Variants in TOR1AIP1 observed in about 807,000 individuals in gnomAD.
TOR1AIP1 encodes torsin 1A interacting protein 1.
TOR1AIP1 carries 54 observed loss-of-function variants against 63.3 expected under a neutral mutation model. The observed-to-expected ratio is 0.85, with a 90% CI of 0.69 to 1.07. The LOEUF is 1.07. Among genes scored for constraint, TOR1AIP1 ranks in the 50% least tolerant of loss-of-function variants. The probability of loss-of-function intolerance (pLI) is 0.00; values close to 1 mark genes in which losing one functional copy is unlikely to be tolerated. For missense variants in TOR1AIP1, 736 were observed against 715.0 expected (o/e 1.03, Z -0.33); for synonymous variants, 294 against 273.5 (o/e 1.07, Z -0.74).
In TOR1AIP1 at chr1:179,882,593, C is replaced by T. The variant is rs772204342; in HGVS notation, c.91C>T (p.Arg31Trp). 2 of 1,524,364 alleles carry T rather than the reference C, an allele frequency of 1.3e-6. No homozygotes were observed. The highest frequency in any genetic ancestry group is 1.8e-6 in the Non-Finnish European group (2 of 1,138,792). 94.4% of individuals were successfully genotyped at this position (1,524,364 alleles called of 1,614,324 possible). A position where few individuals can be genotyped will look rare whatever the true frequency, so the allele number is the denominator to read the frequency against. Reference protein sequence around the residue: ...PRAPIREGRGRLAPQNGGSSD... With the variant: ...PRAPIREGRGWLAPQNGGSSD... ...GGCCCCCATCCGAGAGGGAAGGGGCCGGCTCGCCCCTCAAAATGGCGGCAG... is the reference window on the plus strand; with the variant it reads ...GGCCCCCATCCGAGAGGGAAGGGGCTGGCTCGCCCCTCAAAATGGCGGCAG... Residue 31 changes from arginine (R) to tryptophan (W), a missense_variant, in exon 1 of 10, where the codon CGG becomes TGG. Arg to Trp is a moderately radical substitution (Grantham distance 101). Coordinates refer to ENST00000606911, the MANE Select transcript of TOR1AIP1 (RefSeq NM_015602.4).
In TOR1AIP1 at chr1:179,914,838, T is replaced by G. The variant is rs566836293; in HGVS notation, c.964+784T>G. ...ATAGATTAATGATGATTCTGAAATTTTTTGTTCTTGGTACCGCTTTACACT... is the reference window on the plus strand; with the variant it reads ...ATAGATTAATGATGATTCTGAAATTGTTTGTTCTTGGTACCGCTTTACACT... On this transcript the variant is annotated intron_variant, in intron 9 of 9. Transcript: ENST00000606911. 4.6e-5 allele frequency among the ~76,000 whole-genome samples: 7 copies of G among 152,276 alleles called. No individual in the cohort carries two copies. In the South Asian group the frequency reaches 1.4e-3, roughly 32 times the overall value.
chr1:179,908,410 C>T (rs1487315324), intron 7 of TOR1AIP1, among the ~76,000 whole-genome samples, 195 bp from the exon 8 acceptor site: 2 of 152,160 alleles, frequency 1.3e-5, no homozygotes, highest in Admixed American at 1.3e-4. Context: ...TTGCTACCTG[C>T]TTTGCTGTAG....
intron 2 of TOR1AIP1, among the ~76,000 whole-genome samples, chr1:179,888,400 A>G (rs1647969173): frequency 6.6e-6 from 1 of 152,148 alleles, no homozygotes; most frequent in African/African-American, 2.4e-5. Context: ...TCGCCTCCCA[A>G]ATAGCTGGGA....
chr1:179,910,565 A>G (rs533306959), intron 8 of TOR1AIP1, among the ~76,000 whole-genome samples: 1 of 152,230 alleles, frequency 6.6e-6, no homozygotes, highest in Non-Finnish European at 1.5e-5. Flanking sequence ...CTGCTATTAG[A>G]AAACCATTTC....
At chr1:179,910,183 G>A (rs1292844436) in intron 8 of TOR1AIP1, among the ~76,000 whole-genome samples, 4 of 152,144 alleles carry the variant, frequency 2.6e-5, no homozygotes, top group African/African-American at 7.2e-5. Context: ...ATGCGTCCAC[G>A]TTAAATCTCG....
At chr1:179,900,195 A>G (rs781584462) in intron 4 of TOR1AIP1, 28 bp downstream of exon 4, 18 of 1,463,832 alleles carry the variant, frequency 1.2e-5, no homozygotes, top group Non-Finnish European at 1.7e-5. Context: ...ATCATATAAT[A>G]TATACTTTAA....
chr1:179,917,359 GT>G, intron 9 of TOR1AIP1, 92 bp from the exon 10 acceptor site: 1 of 1,071,632 alleles, frequency 9.3e-7, no homozygotes. Flanking sequence ...TTTACCTAAT[GT>G]TTATAAAGAC....
At chr1:179,915,917 A>G (rs966815175) in intron 9 of TOR1AIP1, among the ~76,000 whole-genome samples, 12 of 152,234 alleles carry the variant, frequency 7.9e-5, no homozygotes, top group Admixed American at 7.8e-4. Context: ...AGTAAAAAAT[A>G]GTATTCCATG....
chr1:179,883,447 G>C (rs576555548), intron 1 of TOR1AIP1, among the ~76,000 whole-genome samples: 1 of 152,324 alleles, frequency 6.6e-6, no homozygotes, highest in South Asian at 2.1e-4. Context: ...ACCCAGGTGG[G>C]CAGAGAGGAA....
chr1:179,909,465 C>T (rs1451460307), intron 8 of TOR1AIP1, among the ~76,000 whole-genome samples: 7 of 151,516 alleles, frequency 4.6e-5, no homozygotes, highest in African/African-American at 1.7e-4. Context: ...GGCTGGAGTA[C>T]AGTGGTGCAA....
rs543222466 is a variant in TOR1AIP1 at position 179,910,337 on chromosome 1, T to C, written c.907+1664T>C. ...AGGTAATGTAAAAATCCACATCTTA[T>C]ATCTCTTGCTCATGGGATGATTAAC... On this transcript the variant is annotated intron_variant, in intron 8 of 9. Transcript: ENST00000606911. Among the ~76,000 whole-genome samples the C allele has an allele frequency of 9.8e-4, 149 of 152,316 alleles. 1 individual carries two copies. Among genetic ancestry groups the C allele is most frequent in the African/African-American group, 3.0e-3 (126 of 41,568 alleles).
At chr1:179,906,213 T>C (rs1172081802) in intron 6 of TOR1AIP1, among the ~76,000 whole-genome samples, 1 of 152,192 alleles carries the variant, frequency 6.6e-6, no homozygotes, top group Non-Finnish European at 1.5e-5. Context: ...TAAAAGTATA[T>C]TTTTAGTATA....
chr1:179,916,125 A>C (rs1168098042), intron 9 of TOR1AIP1, among the ~76,000 whole-genome samples: 5 of 152,216 alleles, frequency 3.3e-5, no homozygotes, highest in Non-Finnish European at 7.3e-5. Context: ...TCTTAAGTAA[A>C]AGAATGTCCC....
Position 179,882,883 on chromosome 1 carries a change from T to C in TOR1AIP1, c.381T>C (p.Thr127=), listed in dbSNP as rs1647772838. The C allele has an allele frequency of 1.2e-6, 2 of 1,613,996 alleles. No individual in the cohort carries two copies. Among genetic ancestry groups the C allele is most frequent in the African/African-American group, 2.7e-5 (2 of 74,916 alleles). ...QETEEMKTRR[T]TRLQQQHSEQ... is the part of the protein sequence containing the mutation. ...CCGAGGAAATGAAGACGCGAAGGAC[T>C]ACCCGCCTTCAGCAGCAGCACTCAG... is the stretch of plus-strand genomic sequence containing the variant. The change falls in exon 1 of 10, where the codon ACT becomes ACC. Residue 127 remains threonine, a synonymous_variant. Coordinates refer to ENST00000606911, the MANE Select transcript of TOR1AIP1 (RefSeq NM_015602.4).
At chr1:179,884,833 A>C in intron 2 of TOR1AIP1, 64 bp downstream of exon 2, 3 of 1,292,464 alleles carry the variant, frequency 2.3e-6, no homozygotes, top group Non-Finnish European at 2.2e-6. Context: ...TCATTGAATT[A>C]AACAATGTAA....
At chr1:179,906,659 T>C (rs896306481) in intron 6 of TOR1AIP1, among the ~76,000 whole-genome samples, 2 of 151,950 alleles carry the variant, frequency 1.3e-5, no homozygotes, top group South Asian at 2.1e-4. Flanking sequence ...GTATATGATA[T>C]GGACTGCCTG....
At position 179,891,196 on chromosome 1, in the gene TOR1AIP1, A is replaced by G. The variant is rs889746467; in HGVS notation, c.610+1827A>G. 3.9e-5 allele frequency among the ~76,000 whole-genome samples: 6 copies of G among 152,004 alleles called. No individual in the cohort carries two copies. In the East Asian group the frequency reaches 1.2e-3, roughly 29 times the overall value. ...AGGAAAAAGGAGATAACAACTTACC[A>G]ATTAAGGTTTTTCTCTTGATTTATT... On this transcript the variant is annotated intron_variant, in intron 3 of 9. Transcript: ENST00000606911.
chr1:179,901,500 C>A, intron 5 of TOR1AIP1, 112 bp downstream of exon 5: 1 of 513,412 alleles, frequency 1.9e-6, no homozygotes, highest in South Asian at 7.0e-5. Flanking sequence ...TATAAAAAGT[C>A]GTGAATTTTT....
rs1649091236 is a variant in TOR1AIP1 at position 179,918,370 on chromosome 1, A to G, written c.*131A>G. ...AAAGAAGTTAAGTGCTTACATAAACATGGAACATATAAATCATTCATTCAA... is the reference window on the plus strand; with the variant it reads ...AAAGAAGTTAAGTGCTTACATAAACGTGGAACATATAAATCATTCATTCAA... On this transcript the variant is annotated 3_prime_UTR_variant, in exon 10 of 10. Transcript: ENST00000606911. 7.6e-6 allele frequency: 6 copies of G among 793,210 alleles called. No homozygotes were observed. The highest frequency in any genetic ancestry group is 3.8e-5 in the South Asian group (2 of 52,138). The allele number at this position is 793,210 out of a possible 1,614,324, so 49.1% of individuals were successfully genotyped here.
Sources: allele counts gnomAD v4.1 joint callset (sites outside exome capture counted in the v4.1 genomes callset), GRCh38; gene constraint gnomAD v4.1.1; transcripts MANE v1.5; gene names NCBI Gene and HGNC (gene_info 2026-07-23, HGNC 2026-07-21).